The following DYNC1H1 variants were observed in gnomAD, a reference collection of about 807,000 sequenced individuals.
DYNC1H1 encodes dynein cytoplasmic 1 heavy chain 1.
In DYNC1H1, 51 loss-of-function variants were observed where a neutral mutation model predicts 527.1. The observed-to-expected ratio is 0.10, with a 90% CI of 0.08 to 0.12. DYNC1H1 has a LOEUF of 0.12. Ranked by LOEUF, DYNC1H1 falls within the 10% of genes least tolerant of loss-of-function variation. DYNC1H1 has a pLI of 1.00. For missense variants in DYNC1H1, 2,771 were observed against 5,971.8 expected (o/e 0.46, Z 17.66); for synonymous variants, 2,189 against 2,278.8 (o/e 0.96, Z 1.12).
intron 51 of DYNC1H1, 156 bp downstream of exon 51, chr14:102,030,438 GCTTGAGATTGT>G: frequency 1.8e-6 from 2 of 1,101,490 alleles, no homozygotes; most frequent in Non-Finnish European, 2.6e-6. Context: ...TTTTCTGAAT[GCTTGAGATTGT>G]CTTCATCTCT....
Position 102,001,404 on chromosome 14 carries a change from C to T in DYNC1H1, c.4395+50C>T. ...CTTTACGTTGTGTTTCGGGCTGTTA[C>T]ATAGATCTGAGCTATGTAAAAATGG... On this transcript the variant is annotated intron_variant, in intron 20 of 77. Coordinates refer to ENST00000360184, the MANE Select transcript of DYNC1H1 (RefSeq NM_001376.5). The surrounding 1 kb of genome is among the most constrained non-coding windows in gnomAD (Gnocchi z 5.0). The T allele has an allele frequency of 1.2e-6, 2 of 1,613,340 alleles. No individual in the cohort carries two copies. Among genetic ancestry groups the T allele is most frequent in the Non-Finnish European group, 1.7e-6 (2 of 1,179,396 alleles).
intron 1 of DYNC1H1, among the ~76,000 whole-genome samples, chr14:101,970,221 A>AAAT (rs1361644933): frequency 6.6e-6 from 1 of 152,064 alleles, no homozygotes; most frequent in Non-Finnish European, 1.5e-5. Flanking sequence ...GTTACAATGG[A>AAAT]AATCTTCAGG....
At chr14:101,967,893 G>C (rs564894366) in intron 1 of DYNC1H1, among the ~76,000 whole-genome samples, 1 of 152,132 alleles carries the variant, frequency 6.6e-6, no homozygotes. Context: ...AACTCATCTT[G>C]ATACTGAGGA....
chr14:101,970,480 T>TG (rs1023992087), intron 1 of DYNC1H1, among the ~76,000 whole-genome samples: 5 of 120,828 alleles, frequency 4.1e-5, no homozygotes, highest in African/African-American at 1.4e-4. Flanking sequence ...GTTGTTTTTT[T>TG]TTTTTTTTTT....
At chr14:102,028,663 G>A (rs1281141583) in intron 48 of DYNC1H1, 1 of 192,420 alleles carries the variant, frequency 5.2e-6, no homozygotes, top group Admixed American at 5.3e-5. Flanking sequence ...TAACACTTTA[G>A]TGCCCCCACT....
In DYNC1H1 at chr14:102,054,355, G is replaced by A. The variant is rs1485294792; in HGVS notation, c.*3792G>A. ...CAGGGCCTGAAGGGCGTTCTGGGGA[G>A]CCTCCACCTTCACACCGAAGGCCGC... On this transcript the variant is annotated 3_prime_UTR_variant, in exon 78 of 78. Transcript: ENST00000360184. 6.6e-6 allele frequency: 1 copy of A among 152,236 alleles called. No individual in the cohort carries two copies. Among genetic ancestry groups the A allele is most frequent in the Admixed American group, 6.5e-5 (1 of 15,278 alleles). The allele number at this position is 152,236 out of a possible 1,614,324, so 9.4% of individuals were successfully genotyped here.
chr14:101,968,591 G>T (rs370586945), intron 1 of DYNC1H1, among the ~76,000 whole-genome samples: 4 of 152,038 alleles, frequency 2.6e-5, no homozygotes, highest in Admixed American at 6.5e-5. Context: ...TTGAGACAGG[G>T]TCTCACTGTT....
intron 16 of DYNC1H1, among the ~76,000 whole-genome samples, chr14:101,998,873 CTTTTTCTTTTT>C (rs1567004843): frequency 7.7e-6 from 1 of 129,576 alleles, no homozygotes; most frequent in African/African-American, 3.6e-5. Context: ...AGAGTTAAAA[CTTTTTCTTTTT>C]TTTTTTTTTT....
chr14:102,000,900 A>C (rs2048123536), intron 18 of DYNC1H1, 54 bp from the exon 19 acceptor site: 2 of 1,505,944 alleles, frequency 1.3e-6, no homozygotes, highest in African/African-American at 2.8e-5. Context: ...GAAATATTTC[A>C]CCATTTAAAG....
chr14:102,036,380 G>T lies in DYNC1H1; in HGVS notation c.10755-109G>T, dbSNP rs2048575359. On this transcript the variant is annotated intron_variant, in intron 56 of 77. Coordinates refer to ENST00000360184, the MANE Select transcript of DYNC1H1 (RefSeq NM_001376.5). The surrounding 1 kb of genome is among the most constrained non-coding windows in gnomAD (Gnocchi z 5.6). The stretch of plus-strand genomic sequence containing the variant: ...CGTCTCCGGAAACCACTCTCGGGTG[G>T]TGGTAACAGCCTATCAATCAGGGTC... 2.1e-6 allele frequency: 3 copies of T among 1,461,412 alleles called. No homozygotes were observed. Among genetic ancestry groups the T allele is most frequent in the Non-Finnish European group, 2.9e-6 (3 of 1,049,014 alleles). The allele number at this position is 1,461,412 out of a possible 1,614,324, so 90.5% of individuals were successfully genotyped here. A position where few individuals can be genotyped will look rare whatever the true frequency, so the allele number is the denominator to read the frequency against.
At chr14:101,978,075 G>C (rs2047822171) in intron 2 of DYNC1H1, among the ~76,000 whole-genome samples, 1 of 152,128 alleles carries the variant, frequency 6.6e-6, no homozygotes, top group African/African-American at 2.4e-5. Context: ...TTCTTCTTGA[G>C]ACGAAGTCTC....
Position 102,030,221 on chromosome 14 carries a change from A to G in DYNC1H1, c.9822A>G (p.Lys3274=). 1 of 1,614,174 alleles carries G rather than the reference A, an allele frequency of 6.2e-7. No homozygotes were observed. The highest frequency in any genetic ancestry group is 8.5e-7 in the Non-Finnish European group (1 of 1,180,012). ...LHKQQEVIAD[K]QMSVKEDLDK... ...AGCAGCAGGAGGTAATTGCAGACAA[A>G]CAGATGAGTGTCAAAGAAGATCTTG... Residue 3274 remains lysine, a synonymous_variant, in exon 51 of 78, where the codon AAA becomes AAG. Coordinates refer to ENST00000360184, the MANE Select transcript of DYNC1H1 (RefSeq NM_001376.5).
rs1213776530 is a variant in DYNC1H1, at chr14:102,001,618, C to T, written c.4479C>T (p.Leu1493=). The part of the protein sequence containing the change: ...KCRLIRGWDD[L]FNKVKEHINS... ...GCTTGATCCGTGGCTGGGATGACCT[C>T]TTCAACAAGGTCAAAGAACACATCA... is the stretch of plus-strand genomic sequence containing the variant. The change falls in exon 21 of 78, where the codon CTC becomes CTT. Residue 1493 remains leucine, a synonymous_variant. Transcript: ENST00000360184. The surrounding 1 kb of genome is among the most constrained non-coding windows in gnomAD (Gnocchi z 5.0). 6.2e-7 allele frequency: 1 copy of T among 1,614,200 alleles called. No homozygotes were observed. The highest frequency in any genetic ancestry group is 8.5e-7 in the Non-Finnish European group (1 of 1,180,042).
intron 29 of DYNC1H1, among the ~76,000 whole-genome samples, chr14:102,009,001 C>T (rs962169889): frequency 1.3e-5 from 2 of 152,168 alleles, no homozygotes; most frequent in African/African-American, 4.8e-5. Context: ...CCTTGGTGCC[C>T]CCTCTTCATT....
chr14:102,046,816 T>C (rs1269135888), intron 72 of DYNC1H1, among the ~76,000 whole-genome samples: 2 of 151,770 alleles, frequency 1.3e-5, no homozygotes, highest in Non-Finnish European at 2.9e-5. Context: ...TTTTTTGCTT[T>C]GAGACTGAGT....
In DYNC1H1 at chr14:102,033,907, G is replaced by A. The variant is rs17512713; in HGVS notation, c.10414-69G>A. 1.0e-5 allele frequency: 16 copies of A among 1,558,544 alleles called. No homozygotes were observed. The Admixed American group carries it at 2.0e-4, about 20-fold the overall frequency. On this transcript the variant is annotated intron_variant, in intron 54 of 77. Transcript: ENST00000360184. The surrounding 1 kb of genome is among the most constrained non-coding windows in gnomAD (Gnocchi z 5.6). ...ACCCTGCACATAATGTGGATGAACCGATTTGCAGGATTCGGTATAAATCCT... is the reference window on the plus strand; with the variant it reads ...ACCCTGCACATAATGTGGATGAACCAATTTGCAGGATTCGGTATAAATCCT...
chr14:102,050,784 T>A lies in DYNC1H1; in HGVS notation c.*221T>A. 1 of 616,338 alleles carries A rather than the reference T, an allele frequency of 1.6e-6. No homozygotes were observed. The highest frequency in any genetic ancestry group is 2.8e-6 in the Non-Finnish European group (1 of 358,092). The allele number at this position is 616,338 out of a possible 1,614,324, so 38.2% of individuals were successfully genotyped here. A position where few individuals can be genotyped will look rare whatever the true frequency, so the allele number is the denominator to read the frequency against. ...TGGCTCCTTTGAGGAAATAAAACAC[T>A]AAGCATGAGCCGGCTCCGCCTCTTC... On this transcript the variant is annotated 3_prime_UTR_variant, in exon 78 of 78. Transcript: ENST00000360184.
intron 7 of DYNC1H1, among the ~76,000 whole-genome samples, chr14:101,984,367 T>TTG (rs34147685): frequency 8.7e-4 from 126 of 145,312 alleles, no homozygotes; most frequent in African/African-American, 2.8e-3. Context: ...TGATTCTGTA[T>TTG]TGTGTGTGTG....
At position 102,027,571 on chromosome 14, in the gene DYNC1H1, T is replaced by G. The variant is rs1354780554; in HGVS notation, c.9048+27T>G. On this transcript the variant is annotated intron_variant, in intron 46 of 77. Transcript: ENST00000360184. The surrounding 1 kb of genome is among the most constrained non-coding windows in gnomAD (Gnocchi z 7.7). ...TAATTAGGTGACGTGTTGCGTTGCA[T>G]TACGTGTTACCGGGGGACCAGTAAG... 1 of 1,614,200 alleles carries G rather than the reference T, an allele frequency of 6.2e-7. No homozygotes were observed. Among genetic ancestry groups the G allele is most frequent in the Non-Finnish European group, 8.5e-7 (1 of 1,180,038 alleles).
Sources: allele counts gnomAD v4.1 joint callset (sites outside exome capture counted in the v4.1 genomes callset), GRCh38; gene constraint gnomAD v4.1.1; non-coding constraint Gnocchi (gnomAD v3.1); transcripts MANE v1.5; gene names NCBI Gene and HGNC (gene_info 2026-07-23, HGNC 2026-07-21).